LTBP1: variants seen among roughly 807,000 people sequenced by gnomAD.
LTBP1 encodes latent-transforming growth factor beta-binding protein 1.
Under a neutral mutation model 207.6 loss-of-function variants are expected in LTBP1, and 129 were observed. That is an observed-to-expected ratio of 0.62 (90% confidence interval 0.54 to 0.72). The LOEUF is 0.72. Ranked by LOEUF, LTBP1 falls within the 30% of genes least tolerant of loss-of-function variation. The probability of loss-of-function intolerance (pLI) is 0.00; values close to 1 mark genes in which losing one functional copy is unlikely to be tolerated. For missense variants in LTBP1, 2,281 were observed against 2,217.2 expected, an observed-to-expected ratio of 1.03 and a Z score of -0.58; for synonymous variants, 963 against 833.7, an observed-to-expected ratio of 1.16 and a Z score of -2.67.
At chr2:33,263,091 C>T (rs932322760) in intron 14 of LTBP1, among the ~76,000 whole-genome samples, 7 of 151,674 alleles carry the variant, frequency 4.6e-5, no homozygotes, top group African/African-American at 1.7e-4. Flanking sequence ...ATTTGATGAA[C>T]GATCATTTTT....
intron 22 of LTBP1, among the ~76,000 whole-genome samples, chr2:33,303,681 A>G (rs967726100): frequency 6.6e-6 from 1 of 152,044 alleles, no homozygotes; most frequent in Admixed American, 6.5e-5. Flanking sequence ...AGGAGCGTGC[A>G]ACCTAGATCC....
Position 33,110,253 on chromosome 2 carries a change from T to C in LTBP1, c.864-329T>C, listed in dbSNP as rs546824330. On this transcript the variant is annotated intron_variant, in intron 3 of 33. Transcript: ENST00000404816. ...CTACAGTCATGCACCATCATTTTCT[T>C]AAATATAAATGCCATGTTTTTGTGT... 2.0e-5 allele frequency among the ~76,000 whole-genome samples: 3 copies of C among 152,280 alleles called. No homozygotes were observed. The South Asian group carries it at 6.2e-4, about 32-fold the overall frequency.
intron 7 of LTBP1, among the ~76,000 whole-genome samples, chr2:33,207,818 G>A (rs2089995551): frequency 6.6e-6 from 1 of 152,220 alleles, no homozygotes; most frequent in Admixed American, 6.5e-5. Context: ...GAGTGTTCAT[G>A]AGATTTTCTA....
chr2:33,005,882 C>T (rs6741163), intron 2 of LTBP1, among the ~76,000 whole-genome samples: 14,759 of 149,656 alleles, frequency 0.099, 963 homozygotes, highest in Non-Finnish European at 0.14. Flanking sequence ...CCACTGTGCC[C>T]GGCCGGCTCT....
rs571869375 is a variant in LTBP1, at chr2:33,399,366, C to G, written c.*821C>G. 1 of 152,308 alleles carries G rather than the reference C, an allele frequency of 6.6e-6. No individual in the cohort carries two copies. Among genetic ancestry groups the G allele is most frequent in the Non-Finnish European group, 1.5e-5 (1 of 68,030 alleles). The allele number at this position is 152,308 out of a possible 1,614,324, so 9.4% of individuals were successfully genotyped here. ...AATCACCATTTTTGTAGAAAAAATT[C>G]TACCTGAGAGTAATTGTCAATGAGT... On this transcript the variant is annotated 3_prime_UTR_variant, in exon 34 of 34. Transcript: ENST00000404816.
chr2:33,288,907 A>G (rs530281889), intron 19 of LTBP1, among the ~76,000 whole-genome samples: 108 of 152,226 alleles, frequency 7.1e-4, no homozygotes, highest in Non-Finnish European at 1.1e-3. Flanking sequence ...GGAATTACTG[A>G]CCACTGAGCT....
At chr2:33,043,374 C>G (rs1050412232) in intron 3 of LTBP1, among the ~76,000 whole-genome samples, 9 of 151,904 alleles carry the variant, frequency 5.9e-5, no homozygotes, top group African/African-American at 2.2e-4. Flanking sequence ...GATTATGTAA[C>G]TATAATTATA....
intron 24 of LTBP1, among the ~76,000 whole-genome samples, chr2:33,339,358 T>C (rs546494654): frequency 3.3e-5 from 5 of 152,312 alleles, no homozygotes; most frequent in South Asian, 2.1e-4. Flanking sequence ...TAAATGGTAA[T>C]TGAAGTATTT....
At chr2:33,053,499 C>G (rs2076844067) in intron 3 of LTBP1, among the ~76,000 whole-genome samples, 1 of 151,886 alleles carries the variant, frequency 6.6e-6, no homozygotes, top group Non-Finnish European at 1.5e-5. Context: ...CCTCGCAGCC[C>G]TCGCTCGCTC....
intron 3 of LTBP1, among the ~76,000 whole-genome samples, chr2:33,024,089 T>A (rs778317408): frequency 6.6e-6 from 1 of 152,186 alleles, no homozygotes; most frequent in African/African-American, 2.4e-5. Context: ...ATTCAACAAG[T>A]TTTTATGGAG....
chr2:33,393,537 C>T (rs932459551), intron 32 of LTBP1, among the ~76,000 whole-genome samples: 83 of 149,960 alleles, frequency 5.5e-4, no homozygotes, highest in African/African-American at 1.8e-3. Context: ...TGAGAACATG[C>T]GGTGTTTGGT....
intron 20 of LTBP1, among the ~76,000 whole-genome samples, chr2:33,300,034 G>T (rs981991035): frequency 3.3e-5 from 5 of 152,072 alleles, no homozygotes; most frequent in African/African-American, 9.7e-5. Context: ...TTCCATAACT[G>T]CCTATGTTTT....
chr2:33,095,000 C>G (rs2079312167), intron 3 of LTBP1, among the ~76,000 whole-genome samples: 2 of 152,086 alleles, frequency 1.3e-5, no homozygotes, highest in Non-Finnish European at 2.9e-5. Flanking sequence ...TAAACTGTTG[C>G]TATGAAACCA....
chr2:33,393,033 A>T (rs191788339), intron 32 of LTBP1, among the ~76,000 whole-genome samples: 1 of 148,908 alleles, frequency 6.7e-6, no homozygotes, highest in Non-Finnish European at 1.5e-5. Flanking sequence ...GTATTACTCA[A>T]TTTTTTTTTT....
At chr2:33,152,790 G>C (rs1421395088) in intron 5 of LTBP1, among the ~76,000 whole-genome samples, 1 of 152,116 alleles carries the variant, frequency 6.6e-6, no homozygotes, top group Non-Finnish European at 1.5e-5. Flanking sequence ...GAATTGGTTT[G>C]TCATAGTTGA....
At chr2:33,181,107 G>A (rs1312739156) in intron 5 of LTBP1, among the ~76,000 whole-genome samples, 5 of 152,182 alleles carry the variant, frequency 3.3e-5, no homozygotes, top group African/African-American at 4.8e-5. Context: ...GGCACAGAAA[G>A]CCAGGGAGCG....
At chr2:33,246,689 A>G (rs1203218686) in intron 10 of LTBP1, among the ~76,000 whole-genome samples, 1 of 152,184 alleles carries the variant, frequency 6.6e-6, no homozygotes, top group Non-Finnish European at 1.5e-5. Flanking sequence ...GGTTATGGCC[A>G]AGGAACAACG....
At chr2:33,050,626 T>C (rs552598555) in intron 3 of LTBP1, among the ~76,000 whole-genome samples, 12 of 152,328 alleles carry the variant, frequency 7.9e-5, no homozygotes, top group Admixed American at 5.9e-4. Context: ...GAAGTATTAC[T>C]CTGCTACAGA....
At chr2:33,334,206 G>A (rs562402895) in intron 24 of LTBP1, among the ~76,000 whole-genome samples, 1 of 152,204 alleles carries the variant, frequency 6.6e-6, no homozygotes, top group South Asian at 2.1e-4. Flanking sequence ...AACCTTGGCT[G>A]TTAAAAAGGA....
Sources: gnomAD v4.1 joint callset for allele counts (sites outside exome capture counted in the v4.1 genomes callset) on GRCh38, gnomAD v4.1.1 for gene constraint, MANE v1.5 for transcripts, NCBI Gene and HGNC (gene_info 2026-07-23, HGNC 2026-07-21) for gene names.